Variants in HAT1 observed in about 807,000 individuals in gnomAD.
HAT1 encodes the protein histone acetyltransferase 1, also known as histone acetyltransferase type B catalytic subunit.
A neutral mutation model predicts 56.6 loss-of-function variants in HAT1; 20 were observed. The ratio of observed to expected loss-of-function variants is 0.35; its 90% CI spans 0.25 to 0.51. The LOEUF is 0.51. Among genes scored for constraint, HAT1 ranks in the 20% least tolerant of loss-of-function variants. The pLI is 0.95. For missense variants in HAT1, 408 were observed against 504.3 expected (o/e 0.81, Z 1.83); for synonymous variants, 146 against 165.5 (o/e 0.88, Z 0.91).
At chr2:171,939,763 G>A (rs993975852) in intron 2 of HAT1, among the ~76,000 whole-genome samples, 6 of 151,574 alleles carry the variant, frequency 4.0e-5, no homozygotes, top group South Asian at 2.1e-4. Flanking sequence ...GAAATAGTGC[G>A]TAGACTCACA....
In HAT1 at chr2:171,978,671, G is replaced by C. The variant is rs138954590; in HGVS notation, c.976-576G>C. 5.9e-3 allele frequency among the ~76,000 whole-genome samples: 895 copies of C among 152,220 alleles called. 9 individuals carry two copies. Among genetic ancestry groups the C allele is most frequent in the African/African-American group, 0.02 (836 of 41,544 alleles). On this transcript the variant is annotated intron_variant, in intron 9 of 10. Coordinates refer to ENST00000264108, the MANE Select transcript of HAT1 (RefSeq NM_003642.4). ...ATGCCCTCATCGTTTTTTATGTGATGTAATAACTCAGCTTCTTGATTGGTC... is the reference window on the plus strand; with the variant it reads ...ATGCCCTCATCGTTTTTTATGTGATCTAATAACTCAGCTTCTTGATTGGTC...
intron 3 of HAT1, among the ~76,000 whole-genome samples, chr2:171,947,358 A>G (rs149040216): frequency 0.011 from 1,636 of 152,204 alleles, 28 homozygotes; most frequent in African/African-American, 0.035. Context: ...GGGCATAAGC[A>G]GTCCTCCCAC....
intron 4 of HAT1, among the ~76,000 whole-genome samples, chr2:171,960,847 TAA>T (rs370390773): frequency 3.4e-5 from 5 of 145,710 alleles, no homozygotes; most frequent in Non-Finnish European, 4.6e-5. Context: ...CCCTGCCTAT[TAA>T]AAAAAAAAAA....
chr2:171,970,581 G>A (rs1687791778), intron 8 of HAT1, among the ~76,000 whole-genome samples: 2 of 118,576 alleles, frequency 1.7e-5, no homozygotes, highest in African/African-American at 6.7e-5. Context: ...GTGCAGTGGT[G>A]CGATCTTGGT....
intron 2 of HAT1, among the ~76,000 whole-genome samples, chr2:171,930,167 TTTTA>T (rs962444647): frequency 1.3e-5 from 2 of 152,168 alleles, no homozygotes; most frequent in African/African-American, 4.8e-5. Flanking sequence ...TGGTATACTT[TTTTA>T]TTTATTTATT....
Position 171,925,621 on chromosome 2 carries a change from CAGCA to C in HAT1, c.94_97del (p.Ala32LeufsTer3). On this transcript the variant is annotated frameshift_variant, in exon 2 of 11. Transcript: ENST00000264108. LOFTEE classifies it high-confidence loss of function. Reference sequence around the variant, plus strand: ...GCAGAGTACAAATGTAACACCAACACAGCAATTGAACTAAAATTAGGTATGTATG... The same window carrying C: ...GCAGAGTACAAATGTAACACCAACACATTGAACTAAAATTAGGTATGTATG... The C allele has an allele frequency of 6.6e-7, 1 of 1,504,960 alleles. No individual in the cohort carries two copies. 93.2% of individuals were successfully genotyped at this position (1,504,960 alleles called of 1,614,324 possible).
intron 8 of HAT1, among the ~76,000 whole-genome samples, chr2:171,968,129 T>C (rs781372232): frequency 6.6e-6 from 1 of 152,132 alleles, no homozygotes; most frequent in Non-Finnish European, 1.5e-5. Flanking sequence ...ACTTTCCTGC[T>C]ACTGTTAAAT....
chr2:171,967,031 A>C, intron 8 of HAT1, 82 bp downstream of exon 8: 1 of 668,284 alleles, frequency 1.5e-6, no homozygotes, highest in Non-Finnish European at 2.7e-6. Context: ...GTCAGAAATA[A>C]CTATTTTAAA....
intron 8 of HAT1, among the ~76,000 whole-genome samples, chr2:171,975,551 T>C (rs1328518497): frequency 1.3e-5 from 2 of 152,234 alleles, no homozygotes; most frequent in Admixed American, 1.3e-4. Flanking sequence ...GTCTCTGTTA[T>C]AGTCAGTTCA....
intron 3 of HAT1, among the ~76,000 whole-genome samples, chr2:171,949,689 AT>A (rs397986670): frequency 6.8e-5 from 9 of 131,556 alleles, no homozygotes; most frequent in African/African-American, 2.3e-4. Context: ...AAAAAAAAAA[AT>A]TTTTTTTTAA....
At chr2:171,968,237 T>G (rs1687728656) in intron 8 of HAT1, among the ~76,000 whole-genome samples, 1 of 152,148 alleles carries the variant, frequency 6.6e-6, no homozygotes, top group South Asian at 2.1e-4. Flanking sequence ...CTTAGTGACT[T>G]ATAAAATTGT....
At chr2:171,945,171 C>T (rs946053452) in intron 2 of HAT1, among the ~76,000 whole-genome samples, 1 of 151,830 alleles carries the variant, frequency 6.6e-6, no homozygotes, top group Admixed American at 6.6e-5. Flanking sequence ...GCGCCCAGCC[C>T]TCCAATTTTT....
chr2:171,956,338 GCACA>G (rs369976656), intron 4 of HAT1, among the ~76,000 whole-genome samples: 22 of 151,320 alleles, frequency 1.5e-4, no homozygotes, highest in African/African-American at 4.6e-4. Flanking sequence ...ACGCACGCAT[GCACA>G]CACACACACG....
intron 4 of HAT1, among the ~76,000 whole-genome samples, chr2:171,961,623 C>G (rs1217931800): frequency 6.6e-6 from 1 of 152,084 alleles, no homozygotes; most frequent in African/African-American, 2.4e-5. Context: ...AGTAAAATTT[C>G]AAATTGTGAT....
intron 3 of HAT1, among the ~76,000 whole-genome samples, chr2:171,948,550 A>G (rs1030414967): frequency 1.3e-5 from 2 of 152,188 alleles, no homozygotes; most frequent in South Asian, 2.1e-4. Flanking sequence ...TCTGATATAC[A>G]GCTCATGTTT....
At chr2:171,955,131 A>G (rs1469134818) in intron 4 of HAT1, among the ~76,000 whole-genome samples, 3 of 151,432 alleles carry the variant, frequency 2.0e-5, no homozygotes, top group Non-Finnish European at 4.4e-5. Flanking sequence ...GTTTGTGGTA[A>G]TTTATTATAG....
In HAT1 at chr2:171,946,778, G is replaced by T; in HGVS notation, c.183G>T (p.Gly61=). The change falls in exon 3 of 11, where the codon GGG becomes GGT. Residue 61 remains glycine, a synonymous_variant. Coordinates refer to ENST00000264108, the MANE Select transcript of HAT1 (RefSeq NM_003642.4). ...FFPEYTHQLF[G]DDETAFGYKG... ...CTGAGTATACCCATCAACTCTTTGG[G>T]GATGAGTAAGTAACTTAGTAAAATA... 7.0e-7 allele frequency: 1 copy of T among 1,420,754 alleles called. No individual in the cohort carries two copies. The highest frequency in any genetic ancestry group is 9.8e-7 in the Non-Finnish European group (1 of 1,020,844). 88.0% of individuals were successfully genotyped at this position (1,420,754 alleles called of 1,614,324 possible).
chr2:171,945,517 T>TG (rs1491464818), intron 2 of HAT1, among the ~76,000 whole-genome samples: 2 of 130,574 alleles, frequency 1.5e-5, no homozygotes, highest in Admixed American at 1.5e-4. Context: ...TTTTTTTTTT[T>TG]GAGACAGTCT....
At chr2:171,946,274 A>G (rs1425514748) in intron 2 of HAT1, among the ~76,000 whole-genome samples, 1 of 152,244 alleles carries the variant, frequency 6.6e-6, no homozygotes, top group East Asian at 1.9e-4. Flanking sequence ...AATGTCATCT[A>G]GCAGTCAAAA....
Sources: allele counts gnomAD v4.1 joint callset (sites outside exome capture counted in the v4.1 genomes callset), GRCh38; gene constraint gnomAD v4.1.1; transcripts MANE v1.5; gene names NCBI Gene and HGNC (gene_info 2026-07-23, HGNC 2026-07-21).